Variants in NCOR1 observed in about 807,000 individuals in gnomAD.
The protein encoded by NCOR1 is protein phosphatase 1, regulatory subunit 109.
Under a neutral mutation model 288.1 loss-of-function variants are expected in NCOR1, and 63 were observed. The observed-to-expected ratio is 0.22, with a 90% CI of 0.18 to 0.27. The LOEUF is 0.27. Among genes scored for constraint, NCOR1 ranks in the 10% least tolerant of loss-of-function variants. NCOR1 has a pLI of 1.00. For missense variants in NCOR1, 2,397 were observed against 3,019.2 expected (o/e 0.79, Z 4.83); for synonymous variants, 1,007 against 1,065.9 (o/e 0.94, Z 1.08).
chr17:16,174,007 T>A (rs2083606383), intron 3 of NCOR1, among the ~76,000 whole-genome samples: 1 of 152,022 alleles, frequency 6.6e-6, no homozygotes, highest in Admixed American at 6.6e-5. Flanking sequence ...AGGAGGCTTA[T>A]GACTTTAAAC....
intron 23 of NCOR1, among the ~76,000 whole-genome samples, chr17:16,085,249 A>G (rs2064039419): frequency 6.6e-6 from 1 of 152,252 alleles, no homozygotes; most frequent in Admixed American, 6.5e-5. Context: ...AAGTATGACT[A>G]AAATGACCAA....
chr17:16,091,652 G>A (rs2065196709), intron 22 of NCOR1: 2 of 1,385,198 alleles, frequency 1.4e-6, no homozygotes, highest in South Asian at 1.7e-5. Context: ...TAACTAGAAT[G>A]CTATTAAAAA....
At chr17:16,175,722 CAAA>C (rs1308132046) in intron 3 of NCOR1, among the ~76,000 whole-genome samples, 1 of 150,234 alleles carries the variant, frequency 6.7e-6, no homozygotes, top group African/African-American at 2.5e-5. Context: ...TCTGTCTCTA[CAAA>C]AATAAAAAAT....
intron 9 of NCOR1, among the ~76,000 whole-genome samples, chr17:16,149,041 T>G (rs984656554): frequency 1.3e-5 from 2 of 152,028 alleles, no homozygotes; most frequent in African/African-American, 4.8e-5. Flanking sequence ...CATTTGAATT[T>G]GAAAAAGCTG....
At chr17:16,198,200 A>G (rs542296298) in intron 1 of NCOR1, 1 of 151,850 alleles carries the variant, frequency 6.6e-6, no homozygotes, top group African/African-American at 2.4e-5. Context: ...TACTAAAAAT[A>G]CAAAAAAATT....
At chr17:16,163,234 C>T (rs2081246821) in intron 5 of NCOR1, among the ~76,000 whole-genome samples, 1 of 152,048 alleles carries the variant, frequency 6.6e-6, no homozygotes, top group Non-Finnish European at 1.5e-5. Flanking sequence ...GTGAAAAGAA[C>T]CCACAGAATG....
rs1325705150 is a variant in NCOR1 at position 16,171,714 on chromosome 17, C to A, written c.435+89G>T. On this transcript the variant is annotated intron_variant, in intron 4 of 45. Coordinates refer to ENST00000268712, the MANE Select transcript of NCOR1 (RefSeq NM_006311.4). ...CACTAACCTTTAGAGACTGGTGTAA[C>A]TGGACTTTCTTTGAGGTGCTATGCA... 7 of 1,212,760 alleles carry A rather than the reference C, an allele frequency of 5.8e-6. No individual in the cohort carries two copies. The Admixed American group carries it at 1.4e-4, about 25-fold the overall frequency. 75.1% of individuals were successfully genotyped at this position (1,212,760 alleles called of 1,614,324 possible). A position where few individuals can be genotyped will look rare whatever the true frequency, so the allele number is the denominator to read the frequency against.
intron 35 of NCOR1, among the ~76,000 whole-genome samples, chr17:16,063,570 A>G (rs1324089816): frequency 1.3e-5 from 2 of 152,162 alleles, no homozygotes; most frequent in African/African-American, 2.4e-5. Context: ...CAGAGGCTAC[A>G]TCCGGGACCA....
chr17:16,068,298 G>GTAAACAACATATGAAAATA, intron 31 of NCOR1, 177 bp from the exon 32 acceptor site: 1 of 605,456 alleles, frequency 1.7e-6, no homozygotes, highest in Non-Finnish European at 2.9e-6. Flanking sequence ...ATATGAAAAT[G>GTAAACAACATATGAAAATA]TAAACAACTA....
At chr17:16,165,543 T>C (rs1200349128) in intron 4 of NCOR1, among the ~76,000 whole-genome samples, 3 of 152,126 alleles carry the variant, frequency 2.0e-5, no homozygotes, top group African/African-American at 7.2e-5. Context: ...GGCTGGGAAA[T>C]AGTATTATTC....
At chr17:16,215,299 T>C (rs1480444266) in intron 1 of NCOR1, 63 bp downstream of exon 1, 1 of 388,772 alleles carries the variant, frequency 2.6e-6, no homozygotes, top group Non-Finnish European at 4.5e-6. Context: ...CCGGGAGCCC[T>C]CGGAAGCCCC....
intron 1 of NCOR1, among the ~76,000 whole-genome samples, chr17:16,199,996 T>C (rs1041218504): frequency 7.9e-5 from 12 of 152,022 alleles, no homozygotes; most frequent in African/African-American, 2.9e-4. Flanking sequence ...CCTTTTTAAA[T>C]CCTCTCATAT....
At chr17:16,183,393 CCAGTAA>C (rs2085953852) in intron 3 of NCOR1, among the ~76,000 whole-genome samples, 2 of 150,530 alleles carry the variant, frequency 1.3e-5, no homozygotes, top group African/African-American at 4.9e-5. Context: ...ATAAATGAAT[CCAGTAA>C]AGTTGCAGGA....
At chr17:16,209,706 C>T (rs1271480894) in intron 1 of NCOR1, among the ~76,000 whole-genome samples, 1 of 150,394 alleles carries the variant, frequency 6.6e-6, no homozygotes, top group Non-Finnish European at 1.5e-5. Flanking sequence ...AATCCCAACA[C>T]TTTGGGAGGC....
chr17:16,055,914 T>C (rs554893240), intron 40 of NCOR1, among the ~76,000 whole-genome samples: 1 of 152,312 alleles, frequency 6.6e-6, no homozygotes, highest in East Asian at 1.9e-4. Flanking sequence ...CGAGATTTGC[T>C]TCAAAATTAT....
At chr17:16,080,228 A>G in intron 25 of NCOR1, 164 bp from the exon 26 acceptor site, 1 of 777,092 alleles carries the variant, frequency 1.3e-6, no homozygotes, top group Non-Finnish European at 2.0e-6. Flanking sequence ...AAATAATACT[A>G]AAGAACTGCT....
rs1279276845 is a variant in NCOR1, at chr17:16,092,674, TATATATATATATATATATA to T, written c.2821-635_2821-617del. ...ATATATATATATATATATATATATA[TATATATATATATATATATA>T]TATTTTTTTTTTTTTTTTTTTTTAA... On this transcript the variant is annotated intron_variant, in intron 21 of 45. Transcript: ENST00000268712. Among the ~76,000 whole-genome samples, 35 of 18,456 alleles carry T rather than the reference TATATATATATATATATATA, an allele frequency of 1.9e-3. 1 individual carries two copies. The highest frequency in any genetic ancestry group is 6.3e-3 in the African/African-American group (21 of 3,318). 12.1% of individuals were successfully genotyped at this position (18,456 alleles called of 152,430 possible).
Position 16,031,984 on chromosome 17 carries a change from A to G in NCOR1, c.*312T>C. 1 of 342,100 alleles carries G rather than the reference A, an allele frequency of 2.9e-6. No individual in the cohort carries two copies. Among genetic ancestry groups the G allele is most frequent in the East Asian group, 5.3e-5 (1 of 18,830 alleles). 21.2% of individuals were successfully genotyped at this position (342,100 alleles called of 1,614,324 possible). The stretch of plus-strand genomic sequence containing the variant: ...TCATCTATTTACAGAAGAGTGATTT[A>G]AAGACATTATGGTTTTCTTTACAGA... On this transcript the variant is annotated 3_prime_UTR_variant, in exon 46 of 46. Transcript: ENST00000268712.
chr17:16,059,749 C>G (rs1073093), intron 37 of NCOR1, among the ~76,000 whole-genome samples: 1 of 152,138 alleles, frequency 6.6e-6, no homozygotes, highest in South Asian at 2.1e-4. Context: ...GGGCTGGACA[C>G]AGATGCAGCA....
Sources: gnomAD v4.1 joint callset for allele counts (sites outside exome capture counted in the v4.1 genomes callset) on GRCh38, gnomAD v4.1.1 for gene constraint, MANE v1.5 for transcripts, NCBI Gene and HGNC (gene_info 2026-07-23, HGNC 2026-07-21) for gene names.